The following EFCAB13 variants were observed in gnomAD, a reference collection of about 807,000 sequenced individuals.
EFCAB13 encodes EF-hand calcium binding domain 13.
In EFCAB13, 91 loss-of-function variants were observed where a neutral mutation model predicts 110.2. The observed-to-expected ratio is 0.83, with a 90% CI of 0.70 to 0.98. The LOEUF (loss-of-function observed/expected upper bound fraction) is 0.98. Ranked by LOEUF, EFCAB13 falls within the 50% of genes least tolerant of loss-of-function variation. The pLI is 0.00. For missense variants in EFCAB13, 968 were observed against 1,119.4 expected (o/e 0.86, Z 1.93); for synonymous variants, 323 against 369.9 (o/e 0.87, Z 1.45).
At chr17:47,424,896 T>TTG (rs1238638745) in intron 23 of EFCAB13, among the ~76,000 whole-genome samples, 4 of 84,482 alleles carry the variant, frequency 4.7e-5, no homozygotes, top group African/African-American at 2.4e-4. Flanking sequence ...TTTTTTTTTT[T>TTG]TTTTGAGACG....
chr17:47,338,093 A>T (rs1183067809), intron 5 of EFCAB13, among the ~76,000 whole-genome samples: 2 of 152,288 alleles, frequency 1.3e-5, no homozygotes, highest in East Asian at 3.9e-4. Context: ...ATCAAAAGTC[A>T]TGTAATGGAG....
chr17:47,398,483 A>G (rs1230554763), intron 17 of EFCAB13, among the ~76,000 whole-genome samples: 1 of 151,490 alleles, frequency 6.6e-6, no homozygotes, highest in Non-Finnish European at 1.5e-5. Context: ...AGAAAGAGGT[A>G]GACATGGGAG....
intron 15 of EFCAB13, 49 bp from the exon 16 acceptor site, chr17:47,393,976 A>G: frequency 9.6e-7 from 1 of 1,045,570 alleles, no homozygotes; most frequent in Non-Finnish European, 1.4e-6. Context: ...AATATTTTTC[A>G]TAATAATACT....
At chr17:47,397,301 G>A (rs1288026156) in intron 17 of EFCAB13, among the ~76,000 whole-genome samples, 1 of 152,210 alleles carries the variant, frequency 6.6e-6, no homozygotes, top group Admixed American at 6.5e-5. Context: ...GACGGAGTCT[G>A]GTTCACTCAG....
intron 7 of EFCAB13, 132 bp downstream of exon 7, chr17:47,344,424 G>C (rs964465970): frequency 2.6e-6 from 3 of 1,143,230 alleles, no homozygotes; most frequent in Admixed American, 4.9e-5. Flanking sequence ...GGATTGTGTA[G>C]AGATAAGAGC....
chr17:47,420,611 A>T (rs1388607554), intron 23 of EFCAB13, among the ~76,000 whole-genome samples: 4 of 150,590 alleles, frequency 2.7e-5, no homozygotes, highest in Non-Finnish European at 4.4e-5. Flanking sequence ...CCCATCTGGG[A>T]TGTGAGGAGC....
chr17:47,419,896 C>G (rs1372429207), intron 23 of EFCAB13, among the ~76,000 whole-genome samples: 1 of 151,394 alleles, frequency 6.6e-6, no homozygotes, highest in Non-Finnish European at 1.5e-5. Flanking sequence ...ACCAAGAGAT[C>G]TACATATAAG....
At chr17:47,404,678 C>G (rs778564728) in intron 20 of EFCAB13, 45 bp downstream of exon 20, 3 of 1,455,710 alleles carry the variant, frequency 2.1e-6, no homozygotes, top group Non-Finnish European at 2.9e-6. Context: ...TGATACAGAA[C>G]TTATTCAAAG....
intron 17 of EFCAB13, among the ~76,000 whole-genome samples, chr17:47,397,008 GTCCCTC>G (rs201879797): frequency 0.042 from 6,264 of 148,550 alleles, 153 homozygotes; most frequent in East Asian, 0.096. Context: ...TGAAAATAAC[GTCCCTC>G]TCCCTCTCCC....
chr17:47,351,803 CT>C (rs939009113), intron 9 of EFCAB13, among the ~76,000 whole-genome samples: 43 of 147,584 alleles, frequency 2.9e-4, no homozygotes, highest in Admixed American at 2.8e-3. Flanking sequence ...TCTCATTTGT[CT>C]TTTTTTGTTG....
At chr17:47,424,808 A>G (rs1731340743) in intron 23 of EFCAB13, among the ~76,000 whole-genome samples, 1 of 148,294 alleles carries the variant, frequency 6.7e-6, no homozygotes, top group African/African-American at 2.5e-5. Context: ...AAATTCTCAT[A>G]CCACCAATCC....
intron 17 of EFCAB13, among the ~76,000 whole-genome samples, chr17:47,399,395 G>A (rs974276915): frequency 1.3e-5 from 2 of 151,974 alleles, no homozygotes; most frequent in Admixed American, 6.6e-5. Flanking sequence ...TTAATGCAGT[G>A]GTTTGCAAAA....
intron 9 of EFCAB13, among the ~76,000 whole-genome samples, chr17:47,351,743 C>A (rs982618504): frequency 6.6e-6 from 1 of 151,990 alleles, no homozygotes; most frequent in Non-Finnish European, 1.5e-5. Flanking sequence ...GTTGTCTGTT[C>A]ATTCTGTTGA....
At chr17:47,376,118 T>A (rs1002835576) in intron 12 of EFCAB13, among the ~76,000 whole-genome samples, 2 of 152,216 alleles carry the variant, frequency 1.3e-5, no homozygotes, top group African/African-American at 4.8e-5. Context: ...ATATCACATT[T>A]AGTATTTAAT....
intron 17 of EFCAB13, among the ~76,000 whole-genome samples, chr17:47,398,603 G>A (rs2065761377): frequency 6.6e-6 from 1 of 151,700 alleles, no homozygotes; most frequent in Non-Finnish European, 1.5e-5. Flanking sequence ...AGGGTTAAAT[G>A]GATTAAGGGC....
At chr17:47,388,882 G>A (rs535995509) in intron 14 of EFCAB13, among the ~76,000 whole-genome samples, 3 of 151,818 alleles carry the variant, frequency 2.0e-5, no homozygotes, top group Non-Finnish European at 4.4e-5. Context: ...AATGTATGAG[G>A]ATTCTAGTTT....
At position 47,373,874 on chromosome 17, in the gene EFCAB13, T is replaced by A. The variant is rs532015326; in HGVS notation, c.878-598T>A. ...CAGTCTCATAGAGTTGTTTTGAGGATCAAATATTATAACATTTGAAATACT... is the reference window on the plus strand; with the variant it reads ...CAGTCTCATAGAGTTGTTTTGAGGAACAAATATTATAACATTTGAAATACT... On this transcript the variant is annotated intron_variant, in intron 11 of 24. Transcript: ENST00000331493. 3.6e-4 allele frequency among the ~76,000 whole-genome samples: 55 copies of A among 152,256 alleles called. 2 individuals are homozygous for A. The East Asian group carries it at 0.01, about 29-fold the overall frequency.
intron 9 of EFCAB13, among the ~76,000 whole-genome samples, chr17:47,357,426 C>G (rs1011229121): frequency 3.3e-5 from 5 of 152,044 alleles, no homozygotes; most frequent in African/African-American, 1.2e-4. Flanking sequence ...TTCATTTTGC[C>G]TTGACAAAGC....
At chr17:47,355,114 CTG>C (rs2065472713) in intron 9 of EFCAB13, among the ~76,000 whole-genome samples, 2 of 152,168 alleles carry the variant, frequency 1.3e-5, no homozygotes, top group African/African-American at 2.4e-5. Flanking sequence ...TTGAAAAAGA[CTG>C]TATTTTTCCT....
Sources: gnomAD v4.1 joint callset for allele counts (sites outside exome capture counted in the v4.1 genomes callset) on GRCh38, gnomAD v4.1.1 for gene constraint, MANE v1.5 for transcripts, NCBI Gene and HGNC (gene_info 2026-07-23, HGNC 2026-07-21) for gene names.